The following GRAMD4 variants were observed in gnomAD, a reference collection of about 807,000 sequenced individuals.
The protein encoded by GRAMD4 is GRAM domain containing 4.
GRAMD4 carries 25 observed loss-of-function variants against 83.9 expected under a neutral mutation model. That is an observed-to-expected ratio of 0.30 (90% CI 0.22 to 0.42). GRAMD4 has a LOEUF of 0.42. Among genes scored for constraint, GRAMD4 ranks in the 10% least tolerant of loss-of-function variants. The pLI, the probability that GRAMD4 is intolerant of heterozygous loss-of-function variation, is 1.00. For missense variants in GRAMD4, 593 were observed against 788.7 expected (o/e 0.75, Z 2.97); for synonymous variants, 336 against 320.9 (o/e 1.05, Z -0.50).
chr22:46,666,755 C>G, intron 9 of GRAMD4, 70 bp from the exon 10 acceptor site: 1 of 1,311,152 alleles, frequency 7.6e-7, no homozygotes, highest in African/African-American at 1.5e-5. Flanking sequence ...CGTGCAGGGC[C>G]AGCGATTCGA....
chr22:46,612,055 G>A (rs2081423008), intron 1 of GRAMD4, among the ~76,000 whole-genome samples: 1 of 150,616 alleles, frequency 6.6e-6, no homozygotes, highest in Admixed American at 6.6e-5. Flanking sequence ...CCAGGCTGGA[G>A]TGCAGTGGTT....
rs533910453 is a variant in GRAMD4, at chr22:46,662,440, G to A, written c.467-600G>A. ...AGCCCCCCTTCCGAGGGATTCTTCC[G>A]GTTTCCCGCCGTGGAGGCTGCTTTC... is the stretch of plus-strand genomic sequence containing the variant. On this transcript the variant is annotated intron_variant, in intron 5 of 18. Transcript: ENST00000406902. 5.9e-5 allele frequency among the ~76,000 whole-genome samples: 9 copies of A among 152,380 alleles called. No homozygotes were observed. In the East Asian group the frequency reaches 1.3e-3, roughly 23 times the overall value.
chr22:46,645,625 G>A (rs1425973459), intron 3 of GRAMD4, among the ~76,000 whole-genome samples: 1 of 152,192 alleles, frequency 6.6e-6, no homozygotes, highest in African/African-American at 2.4e-5. Context: ...ATGGAGGAGA[G>A]GAAATGGCCC....
At chr22:46,593,558 C>T (rs1184921795) in intron 1 of GRAMD4, among the ~76,000 whole-genome samples, 1 of 152,082 alleles carries the variant, frequency 6.6e-6, no homozygotes, top group Non-Finnish European at 1.5e-5. Context: ...CCGTAGCAGG[C>T]TGTTCAGTGC....
intron 3 of GRAMD4, among the ~76,000 whole-genome samples, chr22:46,650,910 T>C (rs2082156389): frequency 6.6e-6 from 1 of 152,164 alleles, no homozygotes; most frequent in Admixed American, 6.5e-5. Context: ...CGCCTGTGGG[T>C]CTGAGGGTCC....
intron 2 of GRAMD4, among the ~76,000 whole-genome samples, chr22:46,637,256 CT>C (rs10644251): frequency 8.7e-4 from 125 of 143,050 alleles, no homozygotes; most frequent in Middle Eastern, 7.4e-3. Context: ...ATCCAGTTCC[CT>C]TTTTTTTTTT....
Position 46,668,895 on chromosome 22 carries a change from G to A in GRAMD4, c.1071G>A (p.Val357=). ...LASCFFPYRL[V]GLAVGLYAGI... ...CCTGCTTCTTCCCCTACCGCCTGGT[G>A]GGGCTTGCCGTGGGTAAGTAGATGC... The change falls in exon 13 of 19, where the codon GTG becomes GTA. Residue 357 remains valine, a synonymous_variant. Coordinates refer to ENST00000406902, the MANE Select transcript of GRAMD4 (RefSeq NM_015124.5). The A allele has an allele frequency of 6.2e-7, 1 of 1,603,874 alleles. No homozygotes were observed. Among genetic ancestry groups the A allele is most frequent in the Non-Finnish European group, 8.5e-7 (1 of 1,172,206 alleles).
In GRAMD4 at chr22:46,633,428, C is replaced by T. The variant is rs573127456; in HGVS notation, c.163-4412C>T. 7.9e-5 allele frequency among the ~76,000 whole-genome samples: 12 copies of T among 152,352 alleles called. No homozygotes were observed. The South Asian group carries it at 1.2e-3, about 16-fold the overall frequency. ...ACTTGGATGAGGTGGCATGGATGCC[C>T]GTCCTCTCTTTGTCCCTGACTTCCA... On this transcript the variant is annotated intron_variant, in intron 2 of 18. Transcript: ENST00000406902.
intron 1 of GRAMD4, among the ~76,000 whole-genome samples, chr22:46,582,790 A>G (rs571508785): frequency 7.9e-5 from 12 of 152,312 alleles, no homozygotes; most frequent in African/African-American, 2.9e-4. Flanking sequence ...GAAAGTGCAC[A>G]GTTCACGGAC....
chr22:46,666,808 T>G lies in GRAMD4; in HGVS notation c.810-17T>G. 2 of 1,608,430 alleles carry G rather than the reference T, an allele frequency of 1.2e-6. No homozygotes were observed. Among genetic ancestry groups the G allele is most frequent in the Non-Finnish European group, 1.7e-6 (2 of 1,175,918 alleles). On this transcript the variant is annotated splice_polypyrimidine_tract_variant and intron_variant, in intron 9 of 18. Coordinates refer to ENST00000406902, the MANE Select transcript of GRAMD4 (RefSeq NM_015124.5). ...GGTGGCGCTGTCCTAAAGGTGTGTG[T>G]GTTTTCTGTTCGCCAGGGGGTGGCG...
chr22:46,641,392 TAAGGAAGGAAGG>T (rs61099873), intron 3 of GRAMD4, among the ~76,000 whole-genome samples: 65 of 150,306 alleles, frequency 4.3e-4, no homozygotes, highest in Admixed American at 1.3e-3. Context: ...AATAAATAAA[TAAGGAAGGAAGG>T]AAGGAAGGAA....
At position 46,603,121 on chromosome 22, in the gene GRAMD4, C is replaced by T. The variant is rs73461265; in HGVS notation, c.-49-23630C>T. 9.2e-3 allele frequency among the ~76,000 whole-genome samples: 1,387 copies of T among 151,010 alleles called. 25 individuals carry two copies. The highest frequency in any genetic ancestry group is 0.032 in the African/African-American group (1,306 of 41,094). ...TGGTGTGTGTTGAAATTTTTTTTCC[C>T]GGGTTATCATTTATCTCTGACTGCT... On this transcript the variant is annotated intron_variant, in intron 1 of 1. Coordinates refer to the GRAMD4 transcript ENST00000431155.
At chr22:46,668,767 C>T (rs1425163885) in intron 12 of GRAMD4, 32 bp from the exon 13 acceptor site, 1 of 1,292,336 alleles carries the variant, frequency 7.7e-7, no homozygotes, top group Non-Finnish European at 1.1e-6. Flanking sequence ...CCTGCGGCGC[C>T]CGCCCGGCCT....
At chr22:46,638,262 G>A (rs567800648) in intron 3 of GRAMD4, among the ~76,000 whole-genome samples, 1 of 152,400 alleles carries the variant, frequency 6.6e-6, no homozygotes, top group East Asian at 1.9e-4. Context: ...AGTCTCTGGG[G>A]AAAAGGAGTG....
rs1403255776 is a variant in GRAMD4, at chr22:46,663,134, G to C, written c.561G>C (p.Glu187Asp). 1 of 1,612,530 alleles carries C rather than the reference G, an allele frequency of 6.2e-7. No homozygotes were observed. ...YVEDFRFQPE[E>D]NTVETEEPLS... ...AGGACTTCCGGTTCCAGCCCGAGGA[G>C]AACACTGTGGAGACAGAGGAACCCC... The change falls in exon 6 of 19, where the codon GAG becomes GAC. Residue 187 changes from glutamate to aspartate, a missense_variant. By Grantham distance (45) the Glu-to-Asp change is conservative. Around this residue, in one of 4 missense-constraint regions of GRAMD4, gnomAD observed 312 missense variants for 350.7 expected, o/e 0.89. Transcript: ENST00000406902.
chr22:46,654,345 G>C (rs895494651), intron 3 of GRAMD4, among the ~76,000 whole-genome samples: 3 of 152,222 alleles, frequency 2.0e-5, no homozygotes, highest in Non-Finnish European at 4.4e-5. Context: ...GGGTTCACAT[G>C]CTCCATGCTG....
At position 46,679,122 on chromosome 22, in the gene GRAMD4, C is replaced by G. The variant is rs2082640485; in HGVS notation, c.*1871C>G. The G allele has an allele frequency of 1.0e-6, 1 of 985,412 alleles. No individual in the cohort carries two copies. The highest frequency in any genetic ancestry group is 1.2e-6 in the Non-Finnish European group (1 of 829,980). The allele number at this position is 985,412 out of a possible 1,614,324, so 61.0% of individuals were successfully genotyped here. The stretch of plus-strand genomic sequence containing the variant: ...CCAGGGGCGGCTGCAGAGGCAGTGC[C>G]CGCAGACAATGGCCACACCTCTCTC... On this transcript the variant is annotated 3_prime_UTR_variant, in exon 19 of 19. Coordinates refer to ENST00000406902, the MANE Select transcript of GRAMD4 (RefSeq NM_015124.5).
intron 1 of GRAMD4, among the ~76,000 whole-genome samples, chr22:46,596,153 C>G (rs1375313782): frequency 6.6e-6 from 1 of 152,250 alleles, no homozygotes; most frequent in Non-Finnish European, 1.5e-5. Flanking sequence ...CGCAGTTTCT[C>G]TGCTGCCTGG....
chr22:46,660,106 T>C (rs552699968), intron 4 of GRAMD4, among the ~76,000 whole-genome samples: 4 of 152,314 alleles, frequency 2.6e-5, no homozygotes, highest in African/African-American at 7.2e-5. Context: ...CTCCAGGATC[T>C]GGTCCTCATC....
Sources: gnomAD v4.1 joint callset for allele counts (sites outside exome capture counted in the v4.1 genomes callset) on GRCh38, gnomAD v4.1.1 for gene constraint, gnomAD v4.1.1 regional missense constraint, MANE v1.5 for transcripts, NCBI Gene and HGNC (gene_info 2026-07-23, HGNC 2026-07-21) for gene names.